Variants in MYH15 observed in about 807,000 individuals in gnomAD.
The protein encoded by MYH15 is myosin-15.
In MYH15, 227 loss-of-function variants were observed where a neutral mutation model predicts 240.5. The observed-to-expected ratio is 0.94, with a 90% confidence interval of 0.85 to 1.05. The LOEUF is 1.05. Ranked by LOEUF, MYH15 falls within the 50% of genes least tolerant of loss-of-function variation. The pLI, the probability that MYH15 is intolerant of heterozygous loss-of-function variation, is 0.00. For synonymous variants in MYH15, 785 were observed against 796.7 expected, an observed-to-expected ratio of 0.99 and a Z score of 0.25; for missense variants, 2,217 against 2,247.5, an observed-to-expected ratio of 0.99 and a Z score of 0.27.
At chr3:108,463,264 CAGGTTAAA>C in intron 15 of MYH15, 21 bp from the exon 16 acceptor site, 1 of 1,577,366 alleles carries the variant, frequency 6.3e-7, no homozygotes, top group African/African-American at 1.4e-5. Flanking sequence ...GCATGCATTT[CAGGTTAAA>C]AAAAGAAAAA....
At chr3:108,383,570 G>A (rs768526867) in intron 40 of MYH15, 25 bp downstream of exon 40, 2 of 1,609,718 alleles carry the variant, frequency 1.2e-6, no homozygotes, top group South Asian at 1.1e-5. Flanking sequence ...TAAAGAGTTA[G>A]AACAGAGTTG....
chr3:108,381,406 T>C lies in MYH15; in HGVS notation c.*139A>G. The C allele has an allele frequency of 1.0e-6, 1 of 977,080 alleles. No homozygotes were observed. Among genetic ancestry groups the C allele is most frequent in the South Asian group, 1.4e-5 (1 of 70,044 alleles). The allele number at this position is 977,080 out of a possible 1,614,324, so 60.5% of individuals were successfully genotyped here. A position where few individuals can be genotyped will look rare whatever the true frequency, so the allele number is the denominator to read the frequency against. On this transcript the variant is annotated 3_prime_UTR_variant, in exon 41 of 41. Transcript: ENST00000693548. ...CAATGATATTCCCTTTAATTATTTTTCTAATTGCCTTGTTTATATGGTGTG... is the reference window on the plus strand; with the variant it reads ...CAATGATATTCCCTTTAATTATTTTCCTAATTGCCTTGTTTATATGGTGTG...
chr3:108,504,214 T>C (rs889945798), intron 2 of MYH15, among the ~76,000 whole-genome samples: 1 of 152,180 alleles, frequency 6.6e-6, no homozygotes, highest in African/African-American at 2.4e-5. Context: ...TCTAATAAAA[T>C]ATTGTCCCAA....
Position 108,486,460 on chromosome 3 carries a change from T to A in MYH15, c.938A>T (p.Glu313Val), listed in dbSNP as rs2083306924. 6.2e-7 allele frequency: 1 copy of A among 1,611,972 alleles called. No homozygotes were observed. The highest frequency in any genetic ancestry group is 1.3e-5 in the African/African-American group (1 of 74,898). Residue 313 changes from glutamate to valine, a missense_variant, in exon 10 of 41, where the codon GAG (glutamate) becomes GTG (valine). Glu to Val is a moderately radical substitution (Grantham distance 121). Transcript: ENST00000693548. ...HFCSCGAVTV[E>V]SLDDAEELLA... is the part of the protein sequence containing the mutation. ...CAATTCTTCAGCATCATCCAAGCTC[T>A]CCACAGTAACTGCTCCACAGGAGCA...
intron 2 of MYH15, 150 bp from the exon 3 acceptor site, chr3:108,502,005 GA>G (rs1322251324): frequency 2.5e-6 from 2 of 793,616 alleles, no homozygotes; most frequent in East Asian, 2.5e-5. Context: ...AGCCTTCATG[GA>G]AAAAAACAGG....
At chr3:108,545,651 A>C in the MYH15 span, among the ~76,000 whole-genome samples, 3 of 151,950 alleles carry the variant, frequency 2.0e-5, no homozygotes, top group African/African-American at 7.3e-5. Context: ...TTATAATTTC[A>C]TTATGCAGAG....
chr3:108,536,769 T>C, the MYH15 span, among the ~76,000 whole-genome samples: 1 of 152,190 alleles, frequency 6.6e-6, no homozygotes, highest in Admixed American at 6.5e-5. Flanking sequence ...CAAAGAACTA[T>C]ATTAGAATGT....
At chr3:108,436,205 T>C (rs1281652877) in intron 25 of MYH15, among the ~76,000 whole-genome samples, 2 of 151,668 alleles carry the variant, frequency 1.3e-5, no homozygotes, top group African/African-American at 2.4e-5. Flanking sequence ...TCTAAAATGC[T>C]AAAACTCTTG....
At chr3:108,409,113 G>T (rs534241975) in intron 31 of MYH15, among the ~76,000 whole-genome samples, 1 of 152,190 alleles carries the variant, frequency 6.6e-6, no homozygotes, top group Non-Finnish European at 1.5e-5. Flanking sequence ...GGTGGAAGGA[G>T]CTCAATAGGT....
chr3:108,519,071 T>C (rs1363617133), intron 1 of MYH15, among the ~76,000 whole-genome samples: 1 of 152,144 alleles, frequency 6.6e-6, no homozygotes, highest in African/African-American at 2.4e-5. Flanking sequence ...GATGCTATAC[T>C]TCCTCCTTGG....
intron 27 of MYH15, among the ~76,000 whole-genome samples, chr3:108,426,419 A>C (rs2082725343): frequency 1.3e-5 from 2 of 152,140 alleles, no homozygotes; most frequent in Admixed American, 6.5e-5. Context: ...TTGAGACCTC[A>C]GAGCTTGCTG....
At chr3:108,455,943 G>C in intron 19 of MYH15, 84 bp from the exon 20 acceptor site, 3 of 1,344,720 alleles carry the variant, frequency 2.2e-6, no homozygotes, top group African/African-American at 1.5e-5. Flanking sequence ...GAGGTGAAAG[G>C]AGACATAGAT....
rs1228265579 is a variant in MYH15 at position 108,430,916 on chromosome 3, T to C, written c.3228A>G (p.Glu1076=). The change falls in exon 26 of 41, where the codon GAA becomes GAG. Residue 1076 remains glutamate (E), a synonymous_variant. Transcript: ENST00000693548. ...RHLAEELRKK[E]LELSQMNSKV... ...TTGAATTCATCTGACTCAATTCTAA[T>C]TCTTTTCTGTTTAGAAAAAGATATC... The C allele has an allele frequency of 6.2e-7, 1 of 1,603,194 alleles. No homozygotes were observed. The highest frequency in any genetic ancestry group is 8.5e-7 in the Non-Finnish European group (1 of 1,172,050).
intron 36 of MYH15, among the ~76,000 whole-genome samples, chr3:108,393,543 A>G (rs1302894443): frequency 6.6e-6 from 1 of 152,236 alleles, no homozygotes; most frequent in East Asian, 1.9e-4. Flanking sequence ...TGGAAAATAA[A>G]GAAAGTACAG....
In MYH15 at chr3:108,391,934, G is replaced by C. The variant is rs769898446; in HGVS notation, c.5260-4C>G. The C allele has an allele frequency of 9.9e-6, 16 of 1,612,360 alleles. No homozygotes were observed. Among genetic ancestry groups the C allele is most frequent in the Middle Eastern group, 1.7e-4 (1 of 6,042 alleles). ...GTTCTTCTGACAAGTTTGCTGCCTA[G>C]GGGGTTAAAAAAAGGGACTGAGCTA... On this transcript the variant is annotated splice_region_variant and splice_polypyrimidine_tract_variant and intron_variant, in intron 36 of 40. Transcript: ENST00000693548.
chr3:108,494,736 C>T (rs767156383), intron 7 of MYH15, among the ~76,000 whole-genome samples: 14 of 152,156 alleles, frequency 9.2e-5, no homozygotes, highest in Non-Finnish European at 7.4e-5. Context: ...TCAAGTGATC[C>T]GCCCACTTCA....
In MYH15 at chr3:108,428,539, C is replaced by G. The variant is rs60283165; in HGVS notation, c.3655G>C (p.Glu1219Gln). ...ACACGGGTCAGGAGGTCATCTACTT[C>G]TAGCTGCAAGTCACTCTTGTCTTTT... ...LEKDKSDLQL[E>Q]VDDLLTRVEQ... The change falls in exon 27 of 41, where the codon GAA becomes CAA. Residue 1219 changes from glutamate (E) to glutamine (Q), a missense_variant. Glu to Gln is a conservative substitution (Grantham distance 29). Coordinates refer to ENST00000693548, the MANE Select transcript of MYH15 (RefSeq NM_014981.3). The G allele has an allele frequency of 1.2e-6, 2 of 1,614,030 alleles. No homozygotes were observed. Among genetic ancestry groups the G allele is most frequent in the Middle Eastern group, 1.6e-4 (1 of 6,076 alleles).
chr3:108,549,861 C>A, the MYH15 span: 1 of 152,052 alleles, frequency 6.6e-6, no homozygotes, highest in East Asian at 1.9e-4. Context: ...AACGTTTTGT[C>A]TCTTTTATTT....
chr3:108,534,121 A>C (rs1337559432), upstream of MYH15, among the ~76,000 whole-genome samples: 1 of 152,202 alleles, frequency 6.6e-6, no homozygotes, highest in Non-Finnish European at 1.5e-5. Context: ...TGTGAAATAC[A>C]TGAGCCTTCT....
Sources: allele counts gnomAD v4.1 joint callset (sites outside exome capture counted in the v4.1 genomes callset), GRCh38; gene constraint gnomAD v4.1.1; transcripts MANE v1.5; gene names NCBI Gene and HGNC (gene_info 2026-07-23, HGNC 2026-07-21).